The following VSIG4 variants were observed in gnomAD, a reference collection of about 807,000 sequenced individuals.
The protein encoded by VSIG4 is V-set and immunoglobulin domain containing 4.
VSIG4 carries 34 observed loss-of-function variants against 23.4 expected under a neutral mutation model. That is an observed-to-expected ratio of 1.45 (90% confidence interval 1.10 to 1.93). The LOEUF (loss-of-function observed/expected upper bound fraction) is 1.93. Ranked by LOEUF, VSIG4 falls within the 30% of genes most tolerant of loss-of-function variation. The probability of loss-of-function intolerance (pLI) is 0.00; values close to 1 mark genes in which losing one functional copy is unlikely to be tolerated. For missense variants in VSIG4, 433 were observed against 310.8 expected (o/e 1.39, Z -2.96); for synonymous variants, 169 against 120.3 (o/e 1.41, Z -2.65).
intron 1 of VSIG4, among the ~76,000 whole-genome samples, chrX:66,034,765 A>G (rs867722249): frequency 1.1e-4 from 1 of 8,857 alleles, no homozygotes; most frequent in African/African-American, 1.5e-3. Context: ...ACCCTTGGGG[A>G]TGGGGGTGGG....
At chrX:66,039,250 T>A (rs2085655825) in intron 1 of VSIG4, among the ~76,000 whole-genome samples, 1 of 112,048 alleles carries the variant, frequency 8.9e-6, no homozygotes, top group Non-Finnish European at 1.9e-5. Context: ...ACATAGTACT[T>A]GTCCTCAGGG....
At chrX:66,036,264 A>T (rs369497697) in intron 1 of VSIG4, among the ~76,000 whole-genome samples, 1 of 109,329 alleles carries the variant, frequency 9.1e-6, no homozygotes, top group South Asian at 3.9e-4. Context: ...TTAGTTGCAT[A>T]AAGAGACTGG....
Position 66,022,296 on chromosome X carries a change from C to T in VSIG4, c.1167G>A (p.Glu389=), listed in dbSNP as rs913289224. Residue 389 remains glutamate (E), a synonymous_variant, in exon 8 of 8, where the codon GAG becomes GAA. Coordinates refer to ENST00000374737, the MANE Select transcript of VSIG4 (RefSeq NM_007268.3). ...CACTTTTGCCCTCAGTGGCCAGAAA[C>T]TCATAATCCAGAGGAACTGTGTCCA... ...RLLDTVPLDY[E]FLATEGKSVC is the part of the protein sequence containing the mutation. The T allele has an allele frequency of 1.4e-5, 17 of 1,211,075 alleles. No homozygotes were observed. The highest frequency in any genetic ancestry group is 1.9e-5 in the Non-Finnish European group (17 of 895,445).
At chrX:66,024,943 T>A (rs923182503) in intron 6 of VSIG4, 82 bp downstream of exon 6, 5 of 733,408 alleles carry the variant, frequency 6.8e-6, no homozygotes, top group Non-Finnish European at 3.9e-6. Flanking sequence ...CCTAACACAA[T>A]GCCTGATACA....
chrX:66,039,895 C>A (rs1395163917), intron 1 of VSIG4, 49 bp downstream of exon 1: 1 of 1,197,148 alleles, frequency 8.4e-7, no homozygotes, highest in South Asian at 1.8e-5. Flanking sequence ...AACCCTCTAG[C>A]CTTTTGCCTA....
intron 1 of VSIG4, among the ~76,000 whole-genome samples, chrX:66,036,423 G>A (rs1245314069): frequency 9.6e-6 from 1 of 104,346 alleles, no homozygotes; most frequent in Non-Finnish European, 1.9e-5. Context: ...AGCCCCTAAT[G>A]AGAGCAGGAG....
chrX:66,035,754 C>T (rs989645409), intron 1 of VSIG4, among the ~76,000 whole-genome samples: 6 of 112,321 alleles, frequency 5.3e-5, no homozygotes, highest in African/African-American at 1.3e-4. Flanking sequence ...GTTTAATAGG[C>T]TATTTCCCAT....
Position 66,033,827 on chromosome X carries a change from C to T in VSIG4, c.59G>A (p.Arg20His), listed in dbSNP as rs372340333. Residue 20 changes from arginine (R) to histidine (H), a missense_variant, in exon 2 of 8, where the codon CGT (arginine) becomes CAT (histidine). By Grantham distance (29) the Arg-to-His change is conservative. Transcript: ENST00000374737. ...LGHLTVDTYG[R>H]PILEVPESVT... ...ACTCTCTGGCACTTCCAGGATGGGA[C>T]GGCCTGAAGAGGCGGAACAGAGGAA... The T allele has an allele frequency of 2.0e-5, 24 of 1,196,745 alleles. No homozygotes were observed. The highest frequency in any genetic ancestry group is 8.9e-5 in the Admixed American group (4 of 44,978).
At chrX:66,036,973 A>AATATAATATATTATATAATATAATATATC (rs2085579119) in intron 1 of VSIG4, among the ~76,000 whole-genome samples, 2 of 24,162 alleles carry the variant, frequency 8.3e-5, no homozygotes, top group Non-Finnish European at 1.2e-4. Flanking sequence ...TATAATATAT[A>AATATAATATATTATATAATATAATATATC]ATATAATATA....
chrX:66,033,766 G>A lies in VSIG4; in HGVS notation c.120C>T (p.Pro40=), dbSNP rs1361063305. 1.7e-6 allele frequency: 2 copies of A among 1,209,437 alleles called. No individual in the cohort carries two copies. The highest frequency in any genetic ancestry group is 2.2e-6 in the Non-Finnish European group (2 of 895,080). Residue 40 remains proline (P), a synonymous_variant, in exon 2 of 8, where the codon CCC becomes CCT. Coordinates refer to ENST00000374737, the MANE Select transcript of VSIG4 (RefSeq NM_007268.3). Reference sequence around the variant, plus strand: ...AGCCTTGCAGGGGGTCATAGGTGCAGGGAAGATTCACATCCCCTTTCCAAG... The same window carrying A: ...AGCCTTGCAGGGGGTCATAGGTGCAAGGAAGATTCACATCCCCTTTCCAAG... The part of the protein sequence containing the change: ...TGPWKGDVNL[P]CTYDPLQGYT...
At chrX:66,027,177 A>G (rs962948243) in intron 5 of VSIG4, among the ~76,000 whole-genome samples, 4 of 111,525 alleles carry the variant, frequency 3.6e-5, no homozygotes, top group Non-Finnish European at 7.5e-5. Flanking sequence ...GAATGTTTGG[A>G]AAGCATATTA....
At chrX:66,038,597 G>A (rs1410267260) in intron 1 of VSIG4, among the ~76,000 whole-genome samples, 3 of 111,412 alleles carry the variant, frequency 2.7e-5, no homozygotes, top group Non-Finnish European at 5.7e-5. Flanking sequence ...TTAAGCCCTA[G>A]CTCAAACCAA....
intron 2 of VSIG4, among the ~76,000 whole-genome samples, chrX:66,033,128 C>T (rs368348344): frequency 9.0e-6 from 1 of 111,132 alleles, no homozygotes; most frequent in Admixed American, 9.6e-5. Flanking sequence ...CTCCCTTTCC[C>T]CAGAGCTTCT....
chrX:66,039,830 G>A lies in VSIG4; in HGVS notation c.55+114C>T, dbSNP rs2085662856. The A allele has an allele frequency of 3.4e-6, 3 of 885,129 alleles. No individual in the cohort carries two copies. The African/African-American group carries it at 5.9e-5, about 18-fold the overall frequency. The allele number at this position is 885,129 out of a possible 1,213,427, so 72.9% of individuals were successfully genotyped here. On this transcript the variant is annotated intron_variant, in intron 1 of 7. Coordinates refer to ENST00000374737, the MANE Select transcript of VSIG4 (RefSeq NM_007268.3). ...CTGAGAGAGCCTGCAGAGTTTGGCTGAGAAGACTCACCTGCCCAGTAGGAA... is the reference window on the plus strand; with the variant it reads ...CTGAGAGAGCCTGCAGAGTTTGGCTAAGAAGACTCACCTGCCCAGTAGGAA...
rs192653883 is a variant in VSIG4 at position 66,031,992 on chromosome X, G to A, written c.694+476C>T. On this transcript the variant is annotated intron_variant, in intron 3 of 7. Transcript: ENST00000374737. ...ACAACAGCTTTCAAAGGGTGCCCAG[G>A]ATCTGATATAGATTCAACCATGAGA... Among the ~76,000 whole-genome samples the A allele has an allele frequency of 1.7e-4, 19 of 111,778 alleles. No individual in the cohort carries two copies. In the East Asian group the frequency reaches 5.1e-3, roughly 30 times the overall value.
At chrX:66,025,267 A>G in intron 5 of VSIG4, 138 bp from the exon 6 acceptor site, 1 of 423,424 alleles carries the variant, frequency 2.4e-6, no homozygotes, top group African/African-American at 2.5e-5. Flanking sequence ...AGCTAGCCAG[A>G]GAGAAAAAAC....
At chrX:66,025,679 C>A (rs981300630) in intron 5 of VSIG4, among the ~76,000 whole-genome samples, 1 of 112,066 alleles carries the variant, frequency 8.9e-6, no homozygotes, top group African/African-American at 3.2e-5. Context: ...TTCTGTATGA[C>A]TATGGTAGGC....
chrX:66,025,425 G>GA (rs1166735023), intron 5 of VSIG4, among the ~76,000 whole-genome samples: 7 of 111,418 alleles, frequency 6.3e-5, no homozygotes, highest in Non-Finnish European at 1.3e-4. Flanking sequence ...CCTTCCCTTA[G>GA]AAAAAAGAAA....
chrX:66,027,626 G>C (rs987953494), intron 4 of VSIG4, 100 bp from the exon 5 acceptor site: 9 of 644,815 alleles, frequency 1.4e-5, no homozygotes, highest in Non-Finnish European at 2.2e-5. Flanking sequence ...CTGGCCATTT[G>C]TGCTGTACTT....
Sources: gnomAD v4.1 joint callset for allele counts (sites outside exome capture counted in the v4.1 genomes callset) on GRCh38, gnomAD v4.1.1 for gene constraint, MANE v1.5 for transcripts, NCBI Gene and HGNC (gene_info 2026-07-23, HGNC 2026-07-21) for gene names.